The following SKAP2 variants were observed in gnomAD, a reference collection of about 807,000 sequenced individuals.
The protein encoded by SKAP2 is src kinase associated phosphoprotein 2.
In SKAP2, 28 loss-of-function variants were observed where a neutral mutation model predicts 54.9. The ratio of observed to expected loss-of-function variants is 0.51; its 90% CI spans 0.38 to 0.70. The LOEUF is 0.70. Among genes scored for constraint, SKAP2 ranks in the 30% least tolerant of loss-of-function variants. The probability of loss-of-function intolerance (pLI) is 0.00; values close to 1 mark genes in which losing one functional copy is unlikely to be tolerated. For synonymous variants in SKAP2, 137 were observed against 134.3 expected, an observed-to-expected ratio of 1.02 and a Z score of -0.14; for missense variants, 356 against 424.1, an observed-to-expected ratio of 0.84 and a Z score of 1.41.
rs557813810 is a variant in SKAP2 at position 26,741,775 on chromosome 7, T to A, written c.308-1811A>T. 3.9e-4 allele frequency among the ~76,000 whole-genome samples: 59 copies of A among 151,892 alleles called. 1 individual carries two copies. Among genetic ancestry groups the A allele is most frequent in the Admixed American group, 9.2e-4 (14 of 15,258 alleles). On this transcript the variant is annotated intron_variant, in intron 4 of 12. Transcript: ENST00000345317. ...ATTAAAAATTAAAAAAAAGAATGGG[T>A]TTGATAGGAAGTTTATTATTTACAA...
Position 26,737,832 on chromosome 7 carries a change from TAC to T in SKAP2, c.469+961_469+962del, listed in dbSNP as rs1314354675. Among the ~76,000 whole-genome samples, 3 of 152,358 alleles carry T rather than the reference TAC, an allele frequency of 2.0e-5. No homozygotes were observed. The South Asian group carries it at 6.2e-4, about 32-fold the overall frequency. On this transcript the variant is annotated intron_variant, in intron 6 of 12. Transcript: ENST00000345317. Reference sequence around the variant, plus strand: ...ATAACAATCTTAAAATTATGTGAACTACAACTGAGAGATTTATTAATTAACAA... The same window carrying T: ...ATAACAATCTTAAAATTATGTGAACTAACTGAGAGATTTATTAATTAACAA...
intron 6 of SKAP2, among the ~76,000 whole-genome samples, chr7:26,733,860 A>C (rs1293161003): frequency 6.6e-6 from 1 of 152,320 alleles, no homozygotes; most frequent in East Asian, 1.9e-4. Context: ...CCCATTTACT[A>C]GACGGTGCTA....
At chr7:26,767,190 G>T (rs566724992) in intron 4 of SKAP2, among the ~76,000 whole-genome samples, 2 of 152,202 alleles carry the variant, frequency 1.3e-5, no homozygotes, top group Non-Finnish European at 1.5e-5. Context: ...TCCTGTTTCA[G>T]ACTTGGCAGG....
chr7:26,683,462 G>T (rs1030798901), intron 11 of SKAP2, among the ~76,000 whole-genome samples: 1 of 152,006 alleles, frequency 6.6e-6, no homozygotes, highest in Non-Finnish European at 1.5e-5. Context: ...AATTATCACA[G>T]TTGGCTTTAT....
At chr7:26,800,645 C>T (rs923089294) in intron 4 of SKAP2, among the ~76,000 whole-genome samples, 1 of 151,956 alleles carries the variant, frequency 6.6e-6, no homozygotes, top group Non-Finnish European at 1.5e-5. Flanking sequence ...TAAATAAAAT[C>T]AGAAATGAAA....
At chr7:26,857,784 A>G (rs1785203600) in intron 1 of SKAP2, 1 of 958,686 alleles carries the variant, frequency 1.0e-6, no homozygotes, top group South Asian at 4.8e-5. Flanking sequence ...GCAAGCAATA[A>G]GAGTCTTGGG....
At chr7:26,731,290 A>C (rs1451880365) in intron 6 of SKAP2, among the ~76,000 whole-genome samples, 1 of 152,204 alleles carries the variant, frequency 6.6e-6, no homozygotes, top group Non-Finnish European at 1.5e-5. Flanking sequence ...TTTGATACAC[A>C]CTACAACCAC....
downstream of SKAP2, among the ~76,000 whole-genome samples, chr7:26,665,097 AT>A (rs1393684134): frequency 2.0e-5 from 3 of 152,172 alleles, no homozygotes; most frequent in Non-Finnish European, 4.4e-5. Flanking sequence ...ACTTGCACAA[AT>A]TTTTGATCTG....
chr7:26,774,089 G>T (rs1218558822), intron 4 of SKAP2, among the ~76,000 whole-genome samples: 1 of 152,086 alleles, frequency 6.6e-6, no homozygotes, highest in Non-Finnish European at 1.5e-5. Flanking sequence ...GAGGTGGGTG[G>T]ATCACTTGAA....
chr7:26,738,968 A>C (rs1457614645), intron 5 of SKAP2, 90 bp from the exon 6 acceptor site: 1 of 796,670 alleles, frequency 1.3e-6, no homozygotes, highest in African/African-American at 1.7e-5. Flanking sequence ...TCTGAGCTCT[A>C]ACATTGTGTG....
intron 4 of SKAP2, among the ~76,000 whole-genome samples, chr7:26,810,617 G>A (rs977005022): frequency 1.3e-5 from 2 of 152,122 alleles, no homozygotes; most frequent in African/African-American, 4.8e-5. Flanking sequence ...ACTTGATTTA[G>A]CCATTCTAAA....
Position 26,725,917 on chromosome 7 carries a change from T to G in SKAP2, c.658+6A>C. The G allele has an allele frequency of 6.2e-7, 1 of 1,604,018 alleles. No homozygotes were observed. The highest frequency in any genetic ancestry group is 8.5e-7 in the Non-Finnish European group (1 of 1,172,372). On this transcript the variant is annotated splice_donor_region_variant and intron_variant, in intron 8 of 12. Transcript: ENST00000345317. The stretch of plus-strand genomic sequence containing the variant: ...TGTGATAACTTGTTCGATTGATTTA[T>G]CTTACCTTGCAATACAAATTTCAGC...
At chr7:26,806,435 G>A (rs1218036661) in intron 4 of SKAP2, among the ~76,000 whole-genome samples, 1 of 152,132 alleles carries the variant, frequency 6.6e-6, no homozygotes, top group African/African-American at 2.4e-5. Context: ...AAATAAGCCA[G>A]GTATGGCGTT....
intron 9 of SKAP2, among the ~76,000 whole-genome samples, chr7:26,706,122 TTAAC>T (rs752782378): frequency 4.9e-4 from 75 of 152,080 alleles, no homozygotes; most frequent in Non-Finnish European, 9.0e-4. Context: ...AACAAATAGA[TTAAC>T]TGTCTCCATA....
At chr7:26,788,008 G>T (rs10256561) in intron 4 of SKAP2, among the ~76,000 whole-genome samples, 45,515 of 152,014 alleles carry the variant, frequency 0.3, 7,109 homozygotes, top group Middle Eastern at 0.37. Context: ...AACATGGGAT[G>T]TAGGCAGGGG....
At chr7:26,717,541 A>AAAAAAAAAAAAAAAAAAC in intron 9 of SKAP2, among the ~76,000 whole-genome samples, 1 of 136,830 alleles carries the variant, frequency 7.3e-6, no homozygotes, top group South Asian at 2.3e-4. Flanking sequence ...AAAAAAAAAA[A>AAAAAAAAAAAAAAAAAAC]AGGGCCAGAT....
chr7:26,702,631 T>C (rs1787057012), intron 9 of SKAP2, among the ~76,000 whole-genome samples: 2 of 152,242 alleles, frequency 1.3e-5, no homozygotes, highest in South Asian at 4.1e-4. Flanking sequence ...AGTAAGAAAC[T>C]GAGGGTGGGG....
At chr7:26,846,288 A>G in intron 3 of SKAP2, among the ~76,000 whole-genome samples, 1 of 152,312 alleles carries the variant, frequency 6.6e-6, no homozygotes, top group Middle Eastern at 3.4e-3. Context: ...CAAATAATAT[A>G]TAGCAAAGAT....
chr7:26,837,687 A>G (rs769663075), intron 4 of SKAP2, among the ~76,000 whole-genome samples: 6 of 152,112 alleles, frequency 3.9e-5, no homozygotes, highest in Non-Finnish European at 8.8e-5. Context: ...TATCCAAACT[A>G]TATTAGGTGG....
Sources: allele counts gnomAD v4.1 joint callset (sites outside exome capture counted in the v4.1 genomes callset), GRCh38; gene constraint gnomAD v4.1.1; transcripts MANE v1.5; gene names NCBI Gene and HGNC (gene_info 2026-07-23, HGNC 2026-07-21).